Variants in NFIL3 observed in about 807,000 individuals in gnomAD.
NFIL3 encodes the protein nuclear factor, interleukin 3 regulated.
In NFIL3, 5 loss-of-function variants were observed where a neutral mutation model predicts 10.0. That is an observed-to-expected ratio of 0.50 (90% CI 0.26 to 1.06). The LOEUF (loss-of-function observed/expected upper bound fraction) is 1.06. Among genes scored for constraint, NFIL3 ranks in the 50% least tolerant of loss-of-function variants. The pLI, the probability that NFIL3 is intolerant of heterozygous loss-of-function variation, is 0.13. For synonymous variants in NFIL3, 202 were observed against 206.5 expected (o/e 0.98, Z 0.19); for missense variants, 436 against 547.6 (o/e 0.80, Z 2.03).
Position 91,409,341 on chromosome 9 carries a change from G to A in NFIL3, c.*5C>T. The stretch of plus-strand genomic sequence containing the variant: ...CTAAATGCCCAGCTCTTACTCAGTA[G>A]TAATTTACCCAGAGTCTGAAGCAGA... On this transcript the variant is annotated 3_prime_UTR_variant, in exon 2 of 2. Coordinates refer to ENST00000297689, the MANE Select transcript of NFIL3 (RefSeq NM_005384.3). The A allele has an allele frequency of 6.5e-7, 1 of 1,547,872 alleles. No individual in the cohort carries two copies. The highest frequency in any genetic ancestry group is 1.3e-5 in the South Asian group (1 of 79,682).
rs1451713965 is a variant in NFIL3 at position 91,410,516 on chromosome 9, ATCTT to A, written c.215_218del (p.Lys72MetfsTer24). On this transcript the variant is annotated frameshift_variant, in exon 2 of 2. Coordinates refer to ENST00000297689, the MANE Select transcript of NFIL3 (RefSeq NM_005384.3). LOFTEE classifies it low-confidence loss of function (END_TRUNC). The surrounding 1 kb of genome is among the most constrained non-coding windows in gnomAD (Gnocchi z 5.7). ...TCCGCCTTTTTTCCCAATACATAGC[ATCTT>A]TCTTTTCATCAGGAATGAATTCCCG... 1 of 1,614,082 alleles carries A rather than the reference ATCTT, an allele frequency of 6.2e-7. No individual in the cohort carries two copies. The highest frequency in any genetic ancestry group is 8.5e-7 in the Non-Finnish European group (1 of 1,180,018).
the NFIL3 span, among the ~76,000 whole-genome samples, chr9:91,450,558 G>C: frequency 0.42 from 63,877 of 152,008 alleles, 17,377 homozygotes; most frequent in African/African-American, 0.77. Context: ...ATTATAGTTG[G>C]AGAAGATGCT....
the NFIL3 span, among the ~76,000 whole-genome samples, chr9:91,481,260 T>C: frequency 1.3e-5 from 2 of 152,074 alleles, no homozygotes; most frequent in East Asian, 1.9e-4. Flanking sequence ...TGTATACACA[T>C]AGATAAAAAA....
intron 1 of NFIL3, among the ~76,000 whole-genome samples, chr9:91,421,169 G>A (rs937689603): frequency 1.2e-4 from 18 of 152,134 alleles, no homozygotes; most frequent in Admixed American, 1.1e-3. Context: ...TGCCCTGTTG[G>A]AAGGAGGGCC....
At chr9:91,459,710 A>G in the NFIL3 span, among the ~76,000 whole-genome samples, 1 of 152,142 alleles carries the variant, frequency 6.6e-6, no homozygotes, top group African/African-American at 2.4e-5. Context: ...CAAATAAATA[A>G]AAAAGAAAAT....
the NFIL3 span, among the ~76,000 whole-genome samples, chr9:91,442,829 C>G: frequency 6.6e-6 from 1 of 152,104 alleles, no homozygotes; most frequent in African/African-American, 2.4e-5. Context: ...TAGGTCTGAG[C>G]TCCCCGAAGG....
Position 91,410,766 on chromosome 9 carries a change from G to A in NFIL3, c.-32C>T. ...CAACCTTACCCTATCTATGTGTGTAGGAGAACAAATTAATTTCCCCGTATT... is the reference window on the plus strand; with the variant it reads ...CAACCTTACCCTATCTATGTGTGTAAGAGAACAAATTAATTTCCCCGTATT... On this transcript the variant is annotated 5_prime_UTR_variant, in exon 2 of 2. Transcript: ENST00000297689. This position sits in a 1 kb window ranked among gnomAD's most constrained non-coding sequence, Gnocchi z 5.7. 3 of 1,521,384 alleles carry A rather than the reference G, an allele frequency of 2.0e-6. No individual in the cohort carries two copies. The highest frequency in any genetic ancestry group is 2.6e-6 in the Non-Finnish European group (3 of 1,138,838). 94.2% of individuals were successfully genotyped at this position (1,521,384 alleles called of 1,614,324 possible).
At chr9:91,474,748 G>T in the NFIL3 span, among the ~76,000 whole-genome samples, 1 of 152,184 alleles carries the variant, frequency 6.6e-6, no homozygotes, top group African/African-American at 2.4e-5. Flanking sequence ...CTTGAGCTTT[G>T]CTAGCCAAAA....
At chr9:91,450,431 T>C in the NFIL3 span, among the ~76,000 whole-genome samples, 6 of 152,214 alleles carry the variant, frequency 3.9e-5, no homozygotes, top group Non-Finnish European at 8.8e-5. Context: ...TCTCCAATCA[T>C]CTAATATCTT....
chr9:91,428,839 T>C, the NFIL3 span, among the ~76,000 whole-genome samples: 1 of 152,232 alleles, frequency 6.6e-6, no homozygotes, highest in Non-Finnish European at 1.5e-5. Context: ...TCAGTAAGCA[T>C]TTTTATTCAT....
Position 91,409,190 on chromosome 9 carries a change from T to C in NFIL3, c.*156A>G. 1 of 671,700 alleles carries C rather than the reference T, an allele frequency of 1.5e-6. No homozygotes were observed. Among genetic ancestry groups the C allele is most frequent in the Non-Finnish European group, 2.4e-6 (1 of 410,692 alleles). 41.6% of individuals were successfully genotyped at this position (671,700 alleles called of 1,614,324 possible). The stretch of plus-strand genomic sequence containing the variant: ...GAGTGATAACACAATCTAATCTTCA[T>C]CATAATCTGTGCACAAAAAGACACC... On this transcript the variant is annotated 3_prime_UTR_variant, in exon 2 of 2. Transcript: ENST00000297689.
chr9:91,450,296 G>T, the NFIL3 span, among the ~76,000 whole-genome samples: 3 of 151,882 alleles, frequency 2.0e-5, no homozygotes, highest in South Asian at 2.1e-4. Context: ...ATAAAGTTAG[G>T]CTACTGATGT....
At chr9:91,470,488 T>C in the NFIL3 span, among the ~76,000 whole-genome samples, 1 of 151,660 alleles carries the variant, frequency 6.6e-6, no homozygotes, top group African/African-American at 2.4e-5. Context: ...GATTCATTGA[T>C]TTTTTGAAGG....
upstream of NFIL3, among the ~76,000 whole-genome samples, chr9:91,427,623 TTG>T (rs1833885424): frequency 1.6e-4 from 3 of 19,024 alleles, no homozygotes; most frequent in East Asian, 1.9e-3. Flanking sequence ...ACCGTTTTTG[TTG>T]TTGTTGTTGT....
At chr9:91,429,476 C>T in the NFIL3 span, among the ~76,000 whole-genome samples, 1 of 152,134 alleles carries the variant, frequency 6.6e-6, no homozygotes, top group Non-Finnish European at 1.5e-5. Flanking sequence ...TTCCCTTGGC[C>T]TAATTGTAAC....
At chr9:91,424,062 C>A (rs1228687161), upstream of NFIL3, among the ~76,000 whole-genome samples, 2 of 151,024 alleles carry the variant, frequency 1.3e-5, no homozygotes, top group Non-Finnish European at 3.0e-5. Context: ...CGGCCAGGGC[C>A]ACCGCCGTCC....
chr9:91,445,633 T>C, the NFIL3 span, among the ~76,000 whole-genome samples: 1 of 151,974 alleles, frequency 6.6e-6, no homozygotes, highest in Admixed American at 6.6e-5. Context: ...AGGGGTGGGG[T>C]GCAGCATTGG....
chr9:91,409,776 G>C lies in NFIL3; in HGVS notation c.959C>G (p.Ser320Cys). The change falls in exon 2 of 2, where the codon TCC (serine) becomes TGC (cysteine). Residue 320 changes from serine (S) to cysteine (C), a missense_variant. By Grantham distance (112) the Ser-to-Cys change is moderately radical. Around this residue, in one of 3 missense-constraint regions of NFIL3, gnomAD observed 338 missense variants for 399.9 expected, o/e 0.85. Coordinates refer to ENST00000297689, the MANE Select transcript of NFIL3 (RefSeq NM_005384.3). ...CCGGAGCTTGTGTGGCAAGGCAGAG[G>C]AATTCACTTCTGGAACTTTAACCAC... ...ATVVKVPEVN[S>C]SALPHKLRIK... The C allele has an allele frequency of 8.7e-6, 14 of 1,614,174 alleles. No homozygotes were observed. Among genetic ancestry groups the C allele is most frequent in the Non-Finnish European group, 1.2e-5 (14 of 1,180,040 alleles).
At chr9:91,425,228 A>G (rs73651443), upstream of NFIL3, among the ~76,000 whole-genome samples, 627 of 152,334 alleles carry the variant, frequency 4.1e-3, 2 homozygotes, top group African/African-American at 0.014. Flanking sequence ...ACCAAAGTAA[A>G]GAGAAGAGCA....
Sources: allele counts gnomAD v4.1 joint callset (sites outside exome capture counted in the v4.1 genomes callset), GRCh38; gene constraint gnomAD v4.1.1; regional missense constraint gnomAD v4.1.1; non-coding constraint Gnocchi (gnomAD v3.1); transcripts MANE v1.5; gene names NCBI Gene and HGNC (gene_info 2026-07-23, HGNC 2026-07-21).